Variants in DSCAM observed in about 807,000 individuals in gnomAD.
DSCAM encodes DS cell adhesion molecule.
A neutral mutation model predicts 217.7 loss-of-function variants in DSCAM; 47 were observed. The observed-to-expected ratio is 0.22, with a 90% CI of 0.17 to 0.28. The LOEUF is 0.28. DSCAM is among the 10% of genes least tolerant of loss of function. DSCAM has a pLI of 1.00. For missense variants in DSCAM, 2,080 were observed against 2,618.3 expected, an observed-to-expected ratio of 0.79 and a Z score of 4.49; for synonymous variants, 1,056 against 1,015.3, an observed-to-expected ratio of 1.04 and a Z score of -0.76.
chr21:40,096,953 G>A (rs564285543), intron 20 of DSCAM, among the ~76,000 whole-genome samples: 2 of 152,124 alleles, frequency 1.3e-5, no homozygotes, highest in Non-Finnish European at 2.9e-5. Flanking sequence ...AATTCAAAAT[G>A]AAAGTGAATA....
intron 3 of DSCAM, among the ~76,000 whole-genome samples, chr21:40,509,730 A>G (rs778289296): frequency 5.3e-5 from 8 of 152,186 alleles, no homozygotes; most frequent in Non-Finnish European, 1.0e-4. Context: ...GCACAATGCC[A>G]TCCTACTCTG....
intron 1 of DSCAM, among the ~76,000 whole-genome samples, chr21:40,768,544 T>A (rs1359743275): frequency 6.6e-6 from 1 of 152,210 alleles, no homozygotes. Flanking sequence ...AGATTAGAGA[T>A]GGCTAATATT....
intron 30 of DSCAM, among the ~76,000 whole-genome samples, chr21:40,050,660 T>C (rs1198292610): frequency 6.6e-6 from 1 of 152,080 alleles, no homozygotes; most frequent in Non-Finnish European, 1.5e-5. Context: ...TTTTCTTATT[T>C]TTAGTAGAGA....
chr21:40,294,166 G>C (rs2073927833), intron 10 of DSCAM, among the ~76,000 whole-genome samples: 1 of 152,156 alleles, frequency 6.6e-6, no homozygotes, highest in South Asian at 2.1e-4. Context: ...TTTTAAGTTA[G>C]TGGTAAGAAG....
intron 3 of DSCAM, among the ~76,000 whole-genome samples, chr21:40,389,848 G>T (rs1026765900): frequency 1.3e-5 from 2 of 152,206 alleles, no homozygotes; most frequent in Non-Finnish European, 2.9e-5. Context: ...ATTTGGGAAG[G>T]ATGCAAAAGT....
At chr21:40,611,127 C>T (rs1002081481) in intron 3 of DSCAM, among the ~76,000 whole-genome samples, 3 of 147,072 alleles carry the variant, frequency 2.0e-5, no homozygotes, top group Non-Finnish European at 4.4e-5. Flanking sequence ...GGCGCGATCT[C>T]GGCTCACTGC....
chr21:40,192,765 T>A (rs997202826), intron 11 of DSCAM, among the ~76,000 whole-genome samples: 3 of 152,228 alleles, frequency 2.0e-5, no homozygotes, highest in African/African-American at 7.2e-5. Context: ...TTCCTTTTTA[T>A]TGCTAAATGA....
intron 3 of DSCAM, among the ~76,000 whole-genome samples, chr21:40,596,309 TC>T: frequency 6.6e-6 from 1 of 152,298 alleles, no homozygotes; most frequent in Non-Finnish European, 1.5e-5. Flanking sequence ...TAAGAGTGCT[TC>T]CCCTACATGA....
chr21:40,152,138 A>C (rs1338980517), intron 16 of DSCAM, among the ~76,000 whole-genome samples: 8 of 151,978 alleles, frequency 5.3e-5, no homozygotes, highest in South Asian at 2.1e-4. Context: ...CACAAAAAAA[A>C]CAAAAAACTA....
chr21:40,022,294 C>G (rs191526828), intron 32 of DSCAM, among the ~76,000 whole-genome samples: 1 of 152,254 alleles, frequency 6.6e-6, no homozygotes, highest in African/African-American at 2.4e-5. Flanking sequence ...TGGTCAGAGG[C>G]CAGGGGTGCT....
At chr21:40,829,787 C>G (rs1349377517) in intron 1 of DSCAM, among the ~76,000 whole-genome samples, 4 of 152,060 alleles carry the variant, frequency 2.6e-5, no homozygotes, top group Non-Finnish European at 4.4e-5. Context: ...TGGGGATGAC[C>G]AGGTGCTTAG....
At chr21:40,685,410 G>A (rs1403640192) in intron 3 of DSCAM, among the ~76,000 whole-genome samples, 1 of 152,170 alleles carries the variant, frequency 6.6e-6, no homozygotes, top group Non-Finnish European at 1.5e-5. Flanking sequence ...CTTCCTTGGG[G>A]AGTCTGGAAC....
At position 40,175,807 on chromosome 21, in the gene DSCAM, A is replaced by ACG. The variant is rs1555886076; in HGVS notation, c.2947+3118_2947+3119dup. On this transcript the variant is annotated intron_variant, in intron 15 of 32. Transcript: ENST00000400454. ...CACACACACACACACACACACACAC[A>ACG]CGCACACACACACACACGCACACAC... Among the ~76,000 whole-genome samples the ACG allele has an allele frequency of 4.0e-4, 35 of 88,258 alleles. No homozygotes were observed. In the East Asian group the frequency reaches 0.011, roughly 29 times the overall value. The allele number at this position is 88,258 out of a possible 152,430, so 57.9% of individuals were successfully genotyped here.
chr21:40,733,891 G>A (rs1188833959), intron 1 of DSCAM, among the ~76,000 whole-genome samples: 4 of 152,124 alleles, frequency 2.6e-5, no homozygotes, highest in Non-Finnish European at 5.9e-5. Flanking sequence ...ACATTGTCAA[G>A]CTCAGACTTT....
intron 4 of DSCAM, among the ~76,000 whole-genome samples, chr21:40,364,962 TTC>T (rs914286269): frequency 2.7e-5 from 4 of 150,376 alleles, no homozygotes; most frequent in Non-Finnish European, 3.0e-5. Flanking sequence ...ACTTTTATTT[TTC>T]TCTTATACTG....
At chr21:40,266,664 T>TATATATATATATATATAC (rs2073536444) in intron 11 of DSCAM, among the ~76,000 whole-genome samples, 1 of 131,888 alleles carries the variant, frequency 7.6e-6, no homozygotes, top group African/African-American at 3.2e-5. Context: ...TATATATATA[T>TATATATATATATATATAC]ATATATAATC....
Position 40,613,741 on chromosome 21 carries a change from G to T in DSCAM, c.508+79069C>A, listed in dbSNP as rs183674682. ...AGGAAGTAAAATTGGCTGCACCTGG[G>T]CATATTATTAGCTGCTCACCACAGG... On this transcript the variant is annotated intron_variant, in intron 3 of 32. Transcript: ENST00000400454. 5.5e-4 allele frequency among the ~76,000 whole-genome samples: 83 copies of T among 151,880 alleles called. 1 individual carries two copies. Among genetic ancestry groups the T allele is most frequent in the Non-Finnish European group, 1.0e-3 (70 of 67,994 alleles).
At chr21:40,647,436 G>T (rs2089961135) in intron 3 of DSCAM, among the ~76,000 whole-genome samples, 1 of 152,134 alleles carries the variant, frequency 6.6e-6, no homozygotes, top group Admixed American at 6.5e-5. Context: ...CCCAGACTAA[G>T]AATATAATGT....
At chr21:40,241,776 G>C (rs929138718) in intron 11 of DSCAM, among the ~76,000 whole-genome samples, 3 of 152,166 alleles carry the variant, frequency 2.0e-5, no homozygotes, top group Non-Finnish European at 4.4e-5. Flanking sequence ...ATTGAATAAA[G>C]AAACTGCCGT....
Sources: allele counts gnomAD v4.1 joint callset (sites outside exome capture counted in the v4.1 genomes callset), GRCh38; gene constraint gnomAD v4.1.1; transcripts MANE v1.5; gene names NCBI Gene and HGNC (gene_info 2026-07-23, HGNC 2026-07-21).